The following CHM variants were observed in gnomAD, a reference collection of about 807,000 sequenced individuals.
The protein encoded by CHM is rab proteins geranylgeranyltransferase component A 1.
In CHM, 10 loss-of-function variants were observed where a neutral mutation model predicts 49.0. That is an observed-to-expected ratio of 0.20 (90% CI 0.13 to 0.35). The LOEUF is 0.35. CHM is among the 10% of genes least tolerant of loss of function. CHM has a pLI of 1.00. For synonymous variants in CHM, 184 were observed against 167.5 expected, an observed-to-expected ratio of 1.10 and a Z score of -0.76; for missense variants, 455 against 478.4, an observed-to-expected ratio of 0.95 and a Z score of 0.46.
At chrX:85,907,394 A>T (rs1815427476) in intron 9 of CHM, among the ~76,000 whole-genome samples, 1 of 111,909 alleles carries the variant, frequency 8.9e-6, no homozygotes, top group Admixed American at 9.5e-5. Context: ...GCCAGATCTA[A>T]TTTACCGGAG....
chrX:86,007,637 C>G (rs1430676022), intron 2 of CHM, among the ~76,000 whole-genome samples: 1 of 112,209 alleles, frequency 8.9e-6, no homozygotes, highest in African/African-American at 3.2e-5. Flanking sequence ...ATCTATGCAG[C>G]CAATAAATAC....
intron 8 of CHM, among the ~76,000 whole-genome samples, chrX:85,944,446 ATGT>A (rs1321797598): frequency 2.7e-5 from 3 of 112,245 alleles, no homozygotes; most frequent in Non-Finnish European, 3.8e-5. Context: ...TCACAGTAGC[ATGT>A]TGTCCCATTT....
chrX:86,010,146 T>A (rs1241966951), intron 2 of CHM, among the ~76,000 whole-genome samples: 2 of 87,824 alleles, frequency 2.3e-5, no homozygotes, highest in Non-Finnish European at 2.2e-5. Flanking sequence ...TGAGAACACA[T>A]GGACACAGGG....
chrX:85,976,609 G>A (rs1327615727), intron 4 of CHM, among the ~76,000 whole-genome samples: 1 of 107,606 alleles, frequency 9.3e-6, no homozygotes, highest in Non-Finnish European at 1.9e-5. Context: ...GGGTAGCAGA[G>A]TGAGACTCCG....
chrX:85,868,675 A>G (rs1338560137), intron 14 of CHM, among the ~76,000 whole-genome samples: 1 of 111,607 alleles, frequency 9.0e-6, no homozygotes, highest in Non-Finnish European at 1.9e-5. Context: ...CAACTACAAT[A>G]GCCTCAGAAT....
At chrX:86,035,307 A>G (rs1348477323) in intron 1 of CHM, among the ~76,000 whole-genome samples, 1 of 112,232 alleles carries the variant, frequency 8.9e-6, no homozygotes, top group African/African-American at 3.2e-5. Context: ...CCCAATAGAC[A>G]ATAAAAGAAT....
At chrX:85,913,588 G>A (rs1392208329) in intron 8 of CHM, among the ~76,000 whole-genome samples, 2 of 109,926 alleles carry the variant, frequency 1.8e-5, no homozygotes, top group Non-Finnish European at 3.8e-5. Context: ...CTAGTGGCCC[G>A]AGAAGAAATG....
chrX:86,039,510 CA>C (rs769393073), intron 1 of CHM, among the ~76,000 whole-genome samples: 693 of 40,179 alleles, frequency 0.017, 10 homozygotes, highest in East Asian at 0.11. Context: ...TGGCCTAGAC[CA>C]AAAAAAAAAA....
At chrX:85,877,827 C>T (rs997744397) in intron 13 of CHM, among the ~76,000 whole-genome samples, 1 of 110,803 alleles carries the variant, frequency 9.0e-6, no homozygotes, top group Non-Finnish European at 1.9e-5. Flanking sequence ...AGAAAATAAG[C>T]AACCCACATA....
chrX:86,007,229 C>G (rs1207328977), intron 2 of CHM, among the ~76,000 whole-genome samples: 2 of 112,064 alleles, frequency 1.8e-5, no homozygotes, highest in Non-Finnish European at 3.8e-5. Context: ...GAAACTGGAT[C>G]CCTTCCTTAC....
chrX:85,897,090 A>AT (rs1925916928), intron 11 of CHM, among the ~76,000 whole-genome samples: 1 of 84,086 alleles, frequency 1.2e-5, no homozygotes, highest in African/African-American at 4.7e-5. Flanking sequence ...TACATAATAT[A>AT]TAATATATAT....
intron 2 of CHM, among the ~76,000 whole-genome samples, chrX:86,013,812 C>G (rs1168023515): frequency 1.8e-5 from 2 of 108,588 alleles, no homozygotes; most frequent in African/African-American, 3.3e-5. Flanking sequence ...CATAACCAAA[C>G]AGAACTTCTA....
intron 2 of CHM, among the ~76,000 whole-genome samples, chrX:86,000,417 T>A (rs1450003989): frequency 1.9e-5 from 2 of 103,492 alleles, no homozygotes; most frequent in Non-Finnish European, 3.9e-5. Context: ...ATCAGTAAAG[T>A]AGTATAGCCA....
intron 9 of CHM, among the ~76,000 whole-genome samples, chrX:85,904,263 G>GT (rs926693359): frequency 1.8e-5 from 2 of 111,105 alleles, no homozygotes; most frequent in African/African-American, 6.5e-5. Context: ...GAGGAGGAAC[G>GT]TAACAGGTGT....
At chrX:85,973,293 G>C (rs1931055412) in intron 4 of CHM, among the ~76,000 whole-genome samples, 1 of 36,985 alleles carries the variant, frequency 2.7e-5, no homozygotes, top group Non-Finnish European at 4.5e-5. Flanking sequence ...GTGAGACTCT[G>C]TCTCGACAAA....
At chrX:86,002,446 G>A (rs1006055011) in intron 2 of CHM, among the ~76,000 whole-genome samples, 1 of 111,676 alleles carries the variant, frequency 9.0e-6, no homozygotes, top group Admixed American at 9.5e-5. Context: ...CAAGATGGCC[G>A]AATAGGAACA....
chrX:85,978,575 G>A, intron 4 of CHM, 192 bp downstream of exon 4: 1 of 327,219 alleles, frequency 3.1e-6, no homozygotes, highest in South Asian at 3.7e-5. Flanking sequence ...TAAATTCGGA[G>A]GCGTTAAGGT....
At chrX:85,980,739 T>C (rs926000272) in intron 3 of CHM, among the ~76,000 whole-genome samples, 2 of 111,639 alleles carry the variant, frequency 1.8e-5, no homozygotes, top group Non-Finnish European at 3.8e-5. Flanking sequence ...TAGGACAGAT[T>C]TTTTTAAATC....
chrX:85,918,799 T>A (rs1272051521), intron 8 of CHM, among the ~76,000 whole-genome samples: 1 of 111,989 alleles, frequency 8.9e-6, no homozygotes, highest in African/African-American at 3.3e-5. Flanking sequence ...GGGCATTACA[T>A]AATGATAAAG....
Sources: allele counts gnomAD v4.1 joint callset (sites outside exome capture counted in the v4.1 genomes callset), GRCh38; gene constraint gnomAD v4.1.1; transcripts MANE v1.5; gene names NCBI Gene and HGNC (gene_info 2026-07-23, HGNC 2026-07-21).